LUZP2: variants seen among roughly 807,000 people sequenced by gnomAD.
LUZP2 encodes leucine zipper protein 2.
LUZP2 carries 52 observed loss-of-function variants against 51.6 expected under a neutral mutation model. That is an observed-to-expected ratio of 1.01 (90% CI 0.81 to 1.27). The LOEUF (loss-of-function observed/expected upper bound fraction) is 1.27. Among genes scored for constraint, LUZP2 ranks in the 50% most tolerant of loss-of-function variants. The pLI is 0.00. For synonymous variants in LUZP2, 154 were observed against 137.3 expected, an observed-to-expected ratio of 1.12 and a Z score of -0.85; for missense variants, 436 against 395.4, an observed-to-expected ratio of 1.10 and a Z score of -0.87.
intron 1 of LUZP2, among the ~76,000 whole-genome samples, chr11:24,716,916 AAAT>A: frequency 6.6e-6 from 1 of 152,038 alleles, no homozygotes; most frequent in African/African-American, 2.4e-5. Flanking sequence ...TTTTAATATA[AAAT>A]AATAATGATT....
chr11:24,715,263 A>ATG (rs58368050), intron 1 of LUZP2, among the ~76,000 whole-genome samples: 1,976 of 133,902 alleles, frequency 0.015, 30 homozygotes, highest in East Asian at 0.044. Context: ...AGGAGCAACT[A>ATG]TGTGTGTGTG....
intron 9 of LUZP2, among the ~76,000 whole-genome samples, chr11:24,993,871 G>A (rs950298217): frequency 1.3e-5 from 2 of 151,404 alleles, no homozygotes; most frequent in Non-Finnish European, 2.9e-5. Context: ...TTTTGGGGGG[G>A]GTGTGGGGGA....
At chr11:25,063,714 T>TA (rs10673795) in intron 10 of LUZP2, among the ~76,000 whole-genome samples, 19 of 151,516 alleles carry the variant, frequency 1.3e-4, no homozygotes, top group Admixed American at 1.1e-3. Flanking sequence ...CATTAATCAT[T>TA]AACCACCATT....
At chr11:24,606,269 C>G (rs1252158283) in intron 1 of LUZP2, among the ~76,000 whole-genome samples, 9 of 151,814 alleles carry the variant, frequency 5.9e-5, no homozygotes. Context: ...TCAGTAGAAA[C>G]TATACTTCAA....
At chr11:24,984,549 T>TATATATATATATA (rs60530495) in intron 9 of LUZP2, among the ~76,000 whole-genome samples, 7 of 71,210 alleles carry the variant, frequency 9.8e-5, no homozygotes, top group East Asian at 4.2e-4. Context: ...TATATATATA[T>TATATATATATATA]AATTGTGAAT....
rs962252546 is a variant in LUZP2 at position 24,662,521 on chromosome 11, A to G, written c.63-66648A>G. On this transcript the variant is annotated intron_variant, in intron 1 of 11. Coordinates refer to ENST00000336930, the MANE Select transcript of LUZP2 (RefSeq NM_001009909.4). ...TTTGAGATAAGTGATGGATATTGAA[A>G]TCGAAACATCATTCTATAAAGTTTT... Among the ~76,000 whole-genome samples, 4 of 152,240 alleles carry G rather than the reference A, an allele frequency of 2.6e-5. 1 individual carries two copies. The South Asian group carries it at 8.3e-4, about 32-fold the overall frequency.
intron 5 of LUZP2, among the ~76,000 whole-genome samples, chr11:24,872,941 T>A (rs920242282): frequency 6.6e-6 from 1 of 152,114 alleles, no homozygotes; most frequent in Admixed American, 6.6e-5. Flanking sequence ...TGTTTTACAT[T>A]TTTCCCTCTG....
intron 1 of LUZP2, among the ~76,000 whole-genome samples, chr11:24,691,189 G>A (rs1857054735): frequency 6.6e-6 from 1 of 151,836 alleles, no homozygotes; most frequent in South Asian, 2.1e-4. Context: ...ATGTTGTTCA[G>A]TACCTGATAC....
intron 9 of LUZP2, among the ~76,000 whole-genome samples, chr11:25,009,087 T>C (rs564189786): frequency 1.3e-5 from 2 of 152,310 alleles, no homozygotes; most frequent in East Asian, 3.9e-4. Context: ...AACTTTTCAG[T>C]CTTTGCCTTA....
At chr11:24,806,575 A>C (rs1241844000) in intron 5 of LUZP2, among the ~76,000 whole-genome samples, 2 of 152,168 alleles carry the variant, frequency 1.3e-5, no homozygotes, top group Non-Finnish European at 2.9e-5. Context: ...TAGAAAAATA[A>C]AATTCTCACT....
intron 1 of LUZP2, among the ~76,000 whole-genome samples, chr11:24,722,271 AC>A (rs776376180): frequency 1.0e-3 from 153 of 152,278 alleles, no homozygotes; most frequent in Non-Finnish European, 1.3e-3. Flanking sequence ...ATAAAGACAT[AC>A]CTGATACTGG....
At chr11:24,866,376 T>C (rs1303585378) in intron 5 of LUZP2, among the ~76,000 whole-genome samples, 1 of 152,174 alleles carries the variant, frequency 6.6e-6, no homozygotes, top group Non-Finnish European at 1.5e-5. Flanking sequence ...ATATTTCTTG[T>C]TGAAATCCAC....
chr11:24,591,401 T>C (rs1000629742), intron 1 of LUZP2, among the ~76,000 whole-genome samples: 1 of 152,182 alleles, frequency 6.6e-6, no homozygotes, highest in African/African-American at 2.4e-5. Flanking sequence ...TATGTATTCA[T>C]AGTTTTAGAT....
In LUZP2 at chr11:24,603,317, A is replaced by G. The variant is rs1465328326; in HGVS notation, c.62+106012A>G. Among the ~76,000 whole-genome samples, 4 of 151,878 alleles carry G rather than the reference A, an allele frequency of 2.6e-5. No individual in the cohort carries two copies. The East Asian group carries it at 5.8e-4, about 22-fold the overall frequency. ...ATTTCTGAGTGACCCAAAAAGGCTC[A>G]GCTTGACTCATCTTTTGAAGAGAAG... On this transcript the variant is annotated intron_variant, in intron 1 of 11. Transcript: ENST00000336930.
chr11:24,897,215 CGTAAAATGGGCCAATCAGCTCTCT>C (rs1193331083), intron 5 of LUZP2, among the ~76,000 whole-genome samples: 4 of 152,020 alleles, frequency 2.6e-5, no homozygotes, highest in South Asian at 2.1e-4. Context: ...ATCAGCACTC[CGTAAAATGGGCCAATCAGCTCTCT>C]GTAAAATGGG....
chr11:24,627,065 T>A (rs1565038444), intron 1 of LUZP2, among the ~76,000 whole-genome samples: 1 of 152,210 alleles, frequency 6.6e-6, no homozygotes. Context: ...TAAACACTTT[T>A]GATTGAGTAG....
chr11:24,828,387 A>T (rs930820359), intron 5 of LUZP2, among the ~76,000 whole-genome samples: 1 of 152,132 alleles, frequency 6.6e-6, no homozygotes, highest in Non-Finnish European at 1.5e-5. Context: ...TGCATTTGTA[A>T]AAATTCACTA....
At chr11:24,914,696 A>T (rs1281635694) in intron 7 of LUZP2, among the ~76,000 whole-genome samples, 158 bp downstream of exon 7, 1 of 152,124 alleles carries the variant, frequency 6.6e-6, no homozygotes, top group Non-Finnish European at 1.5e-5. Context: ...CAACTTAATT[A>T]ATGGAGATAA....
At chr11:25,058,499 A>T (rs1280806074) in intron 10 of LUZP2, among the ~76,000 whole-genome samples, 1 of 152,194 alleles carries the variant, frequency 6.6e-6, no homozygotes, top group Non-Finnish European at 1.5e-5. Context: ...TACCTATGAG[A>T]CACATAAGGA....
Sources: gnomAD v4.1 joint callset for allele counts (sites outside exome capture counted in the v4.1 genomes callset) on GRCh38, gnomAD v4.1.1 for gene constraint, MANE v1.5 for transcripts, NCBI Gene and HGNC (gene_info 2026-07-23, HGNC 2026-07-21) for gene names.